The following TIMD4 variants were observed in gnomAD, a reference collection of about 807,000 sequenced individuals.
TIMD4 encodes the protein T cell immunoglobulin and mucin domain containing 4, also known as T-cell immunoglobulin and mucin domain-containing protein 4.
In TIMD4, 31 loss-of-function variants were observed where a neutral mutation model predicts 41.2. The observed-to-expected ratio is 0.75, with a 90% CI of 0.57 to 1.01. The LOEUF is 1.01. TIMD4 is among the 50% of genes least tolerant of loss of function. The pLI is 0.00. For missense variants in TIMD4, 479 were observed against 472.5 expected, an observed-to-expected ratio of 1.01 and a Z score of -0.13; for synonymous variants, 204 against 177.1, an observed-to-expected ratio of 1.15 and a Z score of -1.21.
chr5:156,919,932 C>A (rs1177875398), intron 8 of TIMD4, among the ~76,000 whole-genome samples: 3 of 152,102 alleles, frequency 2.0e-5, no homozygotes, highest in African/African-American at 4.8e-5. Flanking sequence ...ATAATTTATG[C>A]CTTTTTTAAA....
In TIMD4 at chr5:156,951,584, T is replaced by C. The variant is rs755886077; in HGVS notation, c.607A>G (p.Ser203Gly). Reference sequence around the variant, plus strand: ...CCTGTGGCTTCCTCCGGAAGGGTGCTTGGGGTTAGTGAAAGGCACGTGTTT... The same window carrying C: ...CCTGTGGCTTCCTCCGGAAGGGTGCCTGGGGTTAGTGAAAGGCACGTGTTT... ...TANTCLSLTP[S>G]TLPEEATGLL... Residue 203 changes from serine (S) to glycine (G), a missense_variant, in exon 3 of 9, where the codon AGC becomes GGC. By Grantham distance (56) the Ser-to-Gly change is moderately conservative. Coordinates refer to ENST00000274532, the MANE Select transcript of TIMD4 (RefSeq NM_138379.3). The C allele has an allele frequency of 2.5e-6, 4 of 1,614,124 alleles. No individual in the cohort carries two copies. The highest frequency in any genetic ancestry group is 3.4e-6 in the Non-Finnish European group (4 of 1,180,018).
At chr5:156,952,464 C>G (rs1169728475) in intron 2 of TIMD4, among the ~76,000 whole-genome samples, 2 of 152,088 alleles carry the variant, frequency 1.3e-5, no homozygotes. Context: ...CACCCGCCCC[C>G]GCTATCACTT....
At chr5:156,955,065 A>G (rs183306262) in intron 1 of TIMD4, among the ~76,000 whole-genome samples, 1 of 152,214 alleles carries the variant, frequency 6.6e-6, no homozygotes, top group Admixed American at 6.5e-5. Context: ...GCTTTTGTAC[A>G]GACAGGGTTT....
intron 5 of TIMD4, among the ~76,000 whole-genome samples, chr5:156,934,540 A>G (rs996387282): frequency 6.6e-6 from 1 of 151,966 alleles, no homozygotes; most frequent in Non-Finnish European, 1.5e-5. Flanking sequence ...GATCCTCCCA[A>G]GTCGTTCTCC....
chr5:156,922,928 C>T (rs1029971667), intron 6 of TIMD4, among the ~76,000 whole-genome samples: 8 of 152,042 alleles, frequency 5.3e-5, no homozygotes, highest in East Asian at 1.9e-4. Flanking sequence ...TGCCATAAAA[C>T]ATGTTATGTT....
intron 5 of TIMD4, among the ~76,000 whole-genome samples, chr5:156,943,063 G>A (rs987919798): frequency 2.0e-5 from 3 of 152,042 alleles, no homozygotes; most frequent in East Asian, 1.9e-4. Flanking sequence ...TTTCCCTAGT[G>A]TGATTAGTAG....
At chr5:156,932,677 G>T (rs1051401612) in intron 5 of TIMD4, among the ~76,000 whole-genome samples, 1 of 152,162 alleles carries the variant, frequency 6.6e-6, no homozygotes, top group Non-Finnish European at 1.5e-5. Flanking sequence ...GCAAGTTCTC[G>T]TGAGACGAAA....
intron 5 of TIMD4, among the ~76,000 whole-genome samples, chr5:156,937,832 G>A (rs543645494): frequency 6.6e-6 from 1 of 152,176 alleles, no homozygotes; most frequent in African/African-American, 2.4e-5. Context: ...TCCCCCAGCC[G>A]GGCTACCAAC....
chr5:156,929,442 A>G (rs1213063782), intron 5 of TIMD4, among the ~76,000 whole-genome samples: 1 of 152,196 alleles, frequency 6.6e-6, no homozygotes, highest in Non-Finnish European at 1.5e-5. Context: ...GTCCTTGCAG[A>G]TGTAATTAGT....
At chr5:156,924,297 T>C (rs1212346544) in intron 6 of TIMD4, 2 of 349,932 alleles carry the variant, frequency 5.7e-6, no homozygotes, top group Non-Finnish European at 1.1e-5. Context: ...GGACCCAGCT[T>C]AGGAAAGCAT....
chr5:156,955,517 G>A (rs750938371), intron 1 of TIMD4, among the ~76,000 whole-genome samples: 6 of 152,108 alleles, frequency 3.9e-5, no homozygotes, highest in Non-Finnish European at 8.8e-5. Context: ...TTAGCCGGGC[G>A]TGGTGGCAGG....
chr5:156,930,005 C>T (rs62382398), intron 5 of TIMD4, among the ~76,000 whole-genome samples: 3,858 of 152,246 alleles, frequency 0.025, 77 homozygotes, highest in South Asian at 0.065. Context: ...GAGTCTCGCT[C>T]GGTCACCCAG....
chr5:156,940,217 C>G (rs1472659789), intron 5 of TIMD4, among the ~76,000 whole-genome samples: 1 of 152,238 alleles, frequency 6.6e-6, no homozygotes, highest in Non-Finnish European at 1.5e-5. Context: ...CTCGGCCTCC[C>G]GAGGTGCCGG....
Position 156,948,445 on chromosome 5 carries a change from C to T in TIMD4, c.815G>A (p.Ser272Asn). The T allele has an allele frequency of 4.5e-6, 7 of 1,552,174 alleles. No individual in the cohort carries two copies. Among genetic ancestry groups the T allele is most frequent in the Non-Finnish European group, 6.1e-6 (7 of 1,148,496 alleles). Residue 272 changes from serine to asparagine, a missense_variant, in exon 5 of 9, where the codon AGT becomes AAT. Ser to Asn is a conservative substitution (Grantham distance 46). Transcript: ENST00000274532. ...STSHVSMWKT[S>N]DSVSSPQPGA... ...AGGCTGAGGAGAAGACACAGAATCA[C>T]TCGTTTTCCACATTGACACGTGGGA...
At chr5:156,944,662 G>T (rs554629546) in intron 5 of TIMD4, among the ~76,000 whole-genome samples, 1 of 151,916 alleles carries the variant, frequency 6.6e-6, no homozygotes, top group South Asian at 2.1e-4. Context: ...CCGCCACCAC[G>T]CCTGGCTAAT....
chr5:156,933,850 G>A (rs189645038), intron 5 of TIMD4, among the ~76,000 whole-genome samples: 13 of 152,282 alleles, frequency 8.5e-5, no homozygotes, highest in South Asian at 2.1e-4. Flanking sequence ...GTGAGCCACC[G>A]TGCCCGGCCC....
intron 6 of TIMD4, 79 bp downstream of exon 6, chr5:156,926,184 A>G (rs1581609274): frequency 1.1e-5 from 16 of 1,482,210 alleles, no homozygotes; most frequent in Non-Finnish European, 1.5e-5. Flanking sequence ...GATTATAGGC[A>G]TGAGCCACCG....
intron 5 of TIMD4, among the ~76,000 whole-genome samples, chr5:156,926,776 T>C (rs1336819130): frequency 1.3e-5 from 2 of 152,268 alleles, no homozygotes; most frequent in East Asian, 1.9e-4. Context: ...GTTGAAAACA[T>C]AATTAGTTAC....
intron 1 of TIMD4, among the ~76,000 whole-genome samples, chr5:156,959,024 C>G (rs1458965543): frequency 6.6e-6 from 1 of 152,052 alleles, no homozygotes; most frequent in Admixed American, 6.5e-5. Flanking sequence ...AGTAAATGCA[C>G]AGAAAAGTGT....
Sources: allele counts gnomAD v4.1 joint callset (sites outside exome capture counted in the v4.1 genomes callset), GRCh38; gene constraint gnomAD v4.1.1; transcripts MANE v1.5; gene names NCBI Gene and HGNC (gene_info 2026-07-23, HGNC 2026-07-21).